Variants in SEMA6D observed in about 807,000 individuals in gnomAD.
SEMA6D encodes semaphorin-6D.
In SEMA6D, 35 loss-of-function variants were observed where a neutral mutation model predicts 106.6. The ratio of observed to expected loss-of-function variants is 0.33; its 90% CI spans 0.25 to 0.44. SEMA6D has a LOEUF of 0.44. Among genes scored for constraint, SEMA6D ranks in the 20% least tolerant of loss-of-function variants. SEMA6D has a pLI of 1.00. For synonymous variants in SEMA6D, 499 were observed against 487.7 expected (o/e 1.02, Z -0.31); for missense variants, 1,185 against 1,345.9 (o/e 0.88, Z 1.87).
chr15:47,189,830 A>G (rs1046886537), intron 1 of SEMA6D, among the ~76,000 whole-genome samples: 2 of 152,250 alleles, frequency 1.3e-5, no homozygotes, highest in Non-Finnish European at 2.9e-5. Context: ...AATAAAAATC[A>G]GTGTATTAGT....
intron 1 of SEMA6D, among the ~76,000 whole-genome samples, chr15:47,286,296 G>T (rs954847012): frequency 6.6e-6 from 1 of 152,006 alleles, no homozygotes; most frequent in Admixed American, 6.6e-5. Context: ...GACTTGAACT[G>T]GTCTGGAAAG....
At chr15:47,291,498 T>C (rs138269813) in intron 1 of SEMA6D, among the ~76,000 whole-genome samples, 18 of 152,268 alleles carry the variant, frequency 1.2e-4, no homozygotes, top group African/African-American at 4.1e-4. Flanking sequence ...AGGAAGCCCA[T>C]GTTGTTGTGT....
intron 1 of SEMA6D, among the ~76,000 whole-genome samples, chr15:47,740,888 G>A (rs1235322370): frequency 6.6e-6 from 1 of 152,138 alleles, no homozygotes; most frequent in East Asian, 1.9e-4. Context: ...AGGAGGAAGA[G>A]GTGGAAACCA....
chr15:47,284,719 A>G lies in SEMA6D; in HGVS notation c.-239+100301A>G, dbSNP rs190070001. Among the ~76,000 whole-genome samples the G allele has an allele frequency of 2.2e-3, 334 of 152,162 alleles. 7 individuals carry two copies. The highest frequency in any genetic ancestry group is 0.02 in the Admixed American group (305 of 15,270). ...TTTTCCATATCTTCTTTTTAACTCA[A>G]TTTCTTATATTTTCTAGCAGAAATG... On this transcript the variant is annotated intron_variant, in intron 1 of 19. Coordinates refer to the SEMA6D transcript ENST00000558014.
At chr15:47,536,443 C>T (rs1481780027) in intron 3 of SEMA6D, among the ~76,000 whole-genome samples, 1 of 152,174 alleles carries the variant, frequency 6.6e-6, no homozygotes, top group Non-Finnish European at 1.5e-5. Flanking sequence ...TTGGGAGGAG[C>T]CCCTTGGCTC....
At chr15:47,492,457 C>G (rs913438040) in intron 3 of SEMA6D, among the ~76,000 whole-genome samples, 2 of 152,168 alleles carry the variant, frequency 1.3e-5, no homozygotes, top group Non-Finnish European at 2.9e-5. Flanking sequence ...TTGCTTGTCC[C>G]AGCTCTTTGA....
chr15:47,445,352 A>G (rs1360595048), intron 2 of SEMA6D, among the ~76,000 whole-genome samples: 1 of 152,042 alleles, frequency 6.6e-6, no homozygotes, highest in Non-Finnish European at 1.5e-5. Context: ...TCCTGTGTGT[A>G]TCAATTTGGT....
intron 4 of SEMA6D, among the ~76,000 whole-genome samples, chr15:47,638,969 G>T (rs973033164): frequency 6.6e-6 from 1 of 152,204 alleles, no homozygotes; most frequent in African/African-American, 2.4e-5. Context: ...CTTCTGTCCA[G>T]TTGCCTGCTT....
chr15:47,413,035 G>A (rs1331112678), intron 2 of SEMA6D, among the ~76,000 whole-genome samples: 2 of 152,150 alleles, frequency 1.3e-5, no homozygotes, highest in Admixed American at 6.6e-5. Flanking sequence ...TAAAAAGAGA[G>A]TGATAATGGT....
At chr15:47,697,873 T>C (rs905436696) in intron 4 of SEMA6D, among the ~76,000 whole-genome samples, 1 of 152,214 alleles carries the variant, frequency 6.6e-6, no homozygotes, top group African/African-American at 2.4e-5. Flanking sequence ...ATCAGTAACA[T>C]TTGTTGGAAA....
At chr15:47,475,971 A>G (rs2042990804) in intron 3 of SEMA6D, among the ~76,000 whole-genome samples, 1 of 152,170 alleles carries the variant, frequency 6.6e-6, no homozygotes, top group African/African-American at 2.4e-5. Flanking sequence ...TGGAGGGCCT[A>G]TAGTGGGAAG....
intron 1 of SEMA6D, among the ~76,000 whole-genome samples, chr15:47,250,647 C>T (rs919239177): frequency 6.6e-6 from 1 of 152,182 alleles, no homozygotes; most frequent in African/African-American, 2.4e-5. Flanking sequence ...CTCAGTTTAA[C>T]TGAATGTTAT....
chr15:47,478,350 G>A (rs142576125), intron 3 of SEMA6D, among the ~76,000 whole-genome samples: 1 of 152,196 alleles, frequency 6.6e-6, no homozygotes, highest in African/African-American at 2.4e-5. Context: ...ATTTATTAGT[G>A]GTCACTAATG....
chr15:47,510,257 AG>A (rs2044182980), intron 3 of SEMA6D, among the ~76,000 whole-genome samples: 1 of 152,180 alleles, frequency 6.6e-6, no homozygotes, highest in Non-Finnish European at 1.5e-5. Context: ...TCTGCATGCA[AG>A]GGAGATAGGT....
At chr15:47,747,002 ATT>A (rs1491434589) in intron 1 of SEMA6D, among the ~76,000 whole-genome samples, 1 of 149,622 alleles carries the variant, frequency 6.7e-6, no homozygotes, top group Non-Finnish European at 1.5e-5. Context: ...ATATATATAT[ATT>A]TCGATTGTAG....
At chr15:47,324,900 A>C (rs2037065610) in intron 1 of SEMA6D, among the ~76,000 whole-genome samples, 1 of 151,990 alleles carries the variant, frequency 6.6e-6, no homozygotes. Context: ...CATGCCAGTA[A>C]ATATAGTTTA....
intron 3 of SEMA6D, among the ~76,000 whole-genome samples, chr15:47,599,858 C>T (rs926516147): frequency 1.3e-5 from 2 of 152,020 alleles, no homozygotes; most frequent in African/African-American, 4.8e-5. Context: ...AGAATCCTAA[C>T]CTTTTGATGG....
chr15:47,501,856 GGTTTTGTTTT>G (rs760161123), intron 3 of SEMA6D, among the ~76,000 whole-genome samples: 4 of 131,334 alleles, frequency 3.0e-5, no homozygotes, highest in Non-Finnish European at 4.7e-5. Context: ...GGAGATTTTT[GGTTTTGTTTT>G]GTTTTGTTTT....
intron 3 of SEMA6D, among the ~76,000 whole-genome samples, chr15:47,540,684 A>G (rs1002549844): frequency 2.0e-5 from 3 of 152,172 alleles, no homozygotes; most frequent in African/African-American, 7.2e-5. Context: ...ATTGAAAAGC[A>G]ATATGATGAA....
Sources: allele counts gnomAD v4.1 joint callset (sites outside exome capture counted in the v4.1 genomes callset), GRCh38; gene constraint gnomAD v4.1.1; transcripts MANE v1.5; gene names NCBI Gene and HGNC (gene_info 2026-07-23, HGNC 2026-07-21).